AATF: variants seen among roughly 807,000 people sequenced by gnomAD.
AATF encodes apoptosis antagonizing transcription factor, also known as protein AATF.
In AATF, 48 loss-of-function variants were observed where a neutral mutation model predicts 63.7. The observed-to-expected ratio is 0.75, with a 90% CI of 0.60 to 0.96. AATF has a LOEUF of 0.96. Among genes scored for constraint, AATF ranks in the 40% least tolerant of loss-of-function variants. AATF has a pLI of 0.00. For missense variants in AATF, 639 were observed against 685.7 expected, an observed-to-expected ratio of 0.93 and a Z score of 0.76; for synonymous variants, 258 against 247.7, an observed-to-expected ratio of 1.04 and a Z score of -0.39.
chr17:36,974,525 A>AT (rs1465545184), intron 4 of AATF, among the ~76,000 whole-genome samples: 1 of 152,202 alleles, frequency 6.6e-6, no homozygotes, highest in Non-Finnish European at 1.5e-5. Flanking sequence ...TTTTCTAAGA[A>AT]TATGCAAAAT....
chr17:37,025,718 T>C (rs1211363138), intron 10 of AATF, among the ~76,000 whole-genome samples: 1 of 152,234 alleles, frequency 6.6e-6, no homozygotes, highest in Non-Finnish European at 1.5e-5. Flanking sequence ...TGTAAACTTT[T>C]ACTATCTTGA....
intron 4 of AATF, among the ~76,000 whole-genome samples, chr17:36,969,057 C>G (rs922735626): frequency 7.1e-6 from 1 of 139,874 alleles, no homozygotes; most frequent in African/African-American, 3.2e-5. Context: ...TTTTGGTGAT[C>G]CTCTGCGGTC....
chr17:37,053,028 A>G (rs986706742), intron 11 of AATF, among the ~76,000 whole-genome samples: 1 of 152,234 alleles, frequency 6.6e-6, no homozygotes, highest in African/African-American at 2.4e-5. Context: ...AAAAGAATCA[A>G]GTGGCATTGC....
intron 10 of AATF, among the ~76,000 whole-genome samples, chr17:37,027,516 T>C (rs2071519829): frequency 6.6e-6 from 1 of 152,110 alleles, no homozygotes; most frequent in Non-Finnish European, 1.5e-5. Context: ...TGTAAAGATA[T>C]TCTACAGAGC....
intron 8 of AATF, among the ~76,000 whole-genome samples, chr17:37,009,659 TAC>T (rs2142274536): frequency 6.8e-6 from 1 of 146,416 alleles, no homozygotes; most frequent in African/African-American, 2.5e-5. Context: ...CTACTAAAAA[TAC>T]AAAAAATTAG....
chr17:36,978,918 G>A (rs1244980216), intron 4 of AATF, among the ~76,000 whole-genome samples: 4 of 151,824 alleles, frequency 2.6e-5, no homozygotes, highest in Admixed American at 1.3e-4. Flanking sequence ...GGGCCTAAAT[G>A]TTAAGGCTTA....
chr17:37,054,442 T>C (rs937221861), intron 11 of AATF: 7 of 152,208 alleles, frequency 4.6e-5, no homozygotes, highest in Non-Finnish European at 8.8e-5. Context: ...TGGGGACTTT[T>C]AGATTGAAAT....
intron 4 of AATF, among the ~76,000 whole-genome samples, chr17:36,959,159 A>G (rs1339623637): frequency 6.6e-6 from 1 of 151,188 alleles, no homozygotes; most frequent in East Asian, 1.9e-4. Flanking sequence ...AAACAAACAT[A>G]CAGACTGGGT....
chr17:36,960,021 T>G (rs948575486), intron 4 of AATF, among the ~76,000 whole-genome samples: 4 of 150,658 alleles, frequency 2.7e-5, no homozygotes, highest in Admixed American at 6.6e-5. Flanking sequence ...CTAAAATTTT[T>G]TTCCCCCCCC....
intron 4 of AATF, among the ~76,000 whole-genome samples, chr17:36,971,958 C>T (rs1206336218): frequency 6.6e-6 from 1 of 152,202 alleles, no homozygotes; most frequent in South Asian, 2.1e-4. Flanking sequence ...TTCTATTTTC[C>T]TCTCCACTAA....
chr17:36,972,547 A>G (rs1438789983), intron 4 of AATF, among the ~76,000 whole-genome samples: 2 of 152,216 alleles, frequency 1.3e-5, no homozygotes, highest in Non-Finnish European at 2.9e-5. Flanking sequence ...TAATTTATAT[A>G]GGATGAATTT....
At chr17:37,044,723 T>C (rs1383364319) in intron 11 of AATF, among the ~76,000 whole-genome samples, 1 of 152,218 alleles carries the variant, frequency 6.6e-6, no homozygotes, top group African/African-American at 2.4e-5. Context: ...TTTGGAAATA[T>C]TTGTATTATC....
Position 36,952,862 on chromosome 17 carries a change from C to T in AATF, c.284-24C>T, listed in dbSNP as rs1434368288. The T allele has an allele frequency of 6.9e-6, 11 of 1,596,270 alleles. No homozygotes were observed. In the Admixed American group the frequency reaches 1.1e-4, roughly 15 times the overall value. ...TTCTCCAGGTAATACCCATTTTTCT[C>T]TTTCTTCCCTCTCTTCTTTGTAGAT... is the stretch of plus-strand genomic sequence containing the variant. On this transcript the variant is annotated intron_variant, in intron 2 of 11. Transcript: ENST00000619387.
At chr17:37,029,060 T>C (rs927502343) in intron 10 of AATF, among the ~76,000 whole-genome samples, 2 of 151,952 alleles carry the variant, frequency 1.3e-5, no homozygotes, top group Non-Finnish European at 2.9e-5. Context: ...TTAGATAAGC[T>C]CATACTCTGT....
intron 4 of AATF, among the ~76,000 whole-genome samples, chr17:36,960,661 G>C (rs1438905591): frequency 6.6e-6 from 1 of 152,074 alleles, no homozygotes; most frequent in Non-Finnish European, 1.5e-5. Flanking sequence ...ATGGGTTCTT[G>C]GCAAAGTTCT....
At chr17:37,050,678 G>C (rs2071740768) in intron 11 of AATF, among the ~76,000 whole-genome samples, 1 of 152,274 alleles carries the variant, frequency 6.6e-6, no homozygotes, top group South Asian at 2.1e-4. Flanking sequence ...GCTATGATTG[G>C]AACCCTTTGT....
chr17:36,956,629 T>G (rs2070902818), intron 4 of AATF, among the ~76,000 whole-genome samples: 1 of 146,920 alleles, frequency 6.8e-6, no homozygotes, highest in African/African-American at 2.5e-5. Context: ...GCCAAGATTG[T>G]GCCATTGCAC....
At chr17:37,009,742 G>A (rs1056067529) in intron 8 of AATF, among the ~76,000 whole-genome samples, 1 of 148,230 alleles carries the variant, frequency 6.7e-6, no homozygotes, top group East Asian at 2.0e-4. Context: ...GCGTGAATCC[G>A]GGAAGCGGAG....
At chr17:37,052,411 G>A (rs908338872) in intron 11 of AATF, 5 of 152,212 alleles carry the variant, frequency 3.3e-5, no homozygotes, top group African/African-American at 9.7e-5. Context: ...TTGTAGCCTC[G>A]TCTTTACTTG....
Sources: gnomAD v4.1 joint callset for allele counts (sites outside exome capture counted in the v4.1 genomes callset) on GRCh38, gnomAD v4.1.1 for gene constraint, MANE v1.5 for transcripts, NCBI Gene and HGNC (gene_info 2026-07-23, HGNC 2026-07-21) for gene names.